Variants in ACACA observed in about 807,000 individuals in gnomAD.
The protein encoded by ACACA is acetyl-CoA carboxylase alpha, also known as acetyl-CoA carboxylase 1.
Under a neutral mutation model 296.1 loss-of-function variants are expected in ACACA, and 103 were observed. The ratio of observed to expected loss-of-function variants is 0.35; its 90% CI spans 0.30 to 0.41. The LOEUF (loss-of-function observed/expected upper bound fraction) is 0.41. Ranked by LOEUF, ACACA falls within the 10% of genes least tolerant of loss-of-function variation. The pLI is 1.00. For missense variants in ACACA, 1,554 were observed against 2,989.7 expected, an observed-to-expected ratio of 0.52 and a Z score of 11.20; for synonymous variants, 953 against 1,038.6, an observed-to-expected ratio of 0.92 and a Z score of 1.58.
intron 14 of ACACA, among the ~76,000 whole-genome samples, chr17:37,256,431 C>T (rs2081231576): frequency 6.6e-6 from 1 of 152,188 alleles, no homozygotes; most frequent in African/African-American, 2.4e-5. Context: ...GATTTCCCTA[C>T]TTCTAAAAAT....
intron 42 of ACACA, among the ~76,000 whole-genome samples, chr17:37,155,987 G>A (rs2076226126): frequency 6.7e-6 from 1 of 148,770 alleles, no homozygotes; most frequent in South Asian, 2.1e-4. Flanking sequence ...AACTGTCCTT[G>A]AAACAAGACA....
chr17:37,303,128 C>T (rs1051334926), intron 3 of ACACA, among the ~76,000 whole-genome samples: 14 of 152,108 alleles, frequency 9.2e-5, no homozygotes, highest in African/African-American at 3.4e-4. Context: ...CCAAAAGAAA[C>T]CCCATGCCCA....
At chr17:37,389,295 G>A (rs1394744167) in intron 1 of ACACA, 1 of 1,599,468 alleles carries the variant, frequency 6.3e-7, no homozygotes, top group Non-Finnish European at 8.5e-7. Flanking sequence ...TGGTTGTGGA[G>A]ATGGCAAAAG....
chr17:37,237,095 T>C (rs538349580), intron 24 of ACACA, among the ~76,000 whole-genome samples: 1 of 152,322 alleles, frequency 6.6e-6, no homozygotes, highest in South Asian at 2.1e-4. Context: ...AGCTTAATTT[T>C]CCTGGTTTTT....
At chr17:37,242,602 A>T (rs1198934143) in intron 22 of ACACA, among the ~76,000 whole-genome samples, 1 of 152,140 alleles carries the variant, frequency 6.6e-6, no homozygotes, top group Non-Finnish European at 1.5e-5. Flanking sequence ...ATAGTGGTGC[A>T]CATCTGTAGT....
intron 42 of ACACA, among the ~76,000 whole-genome samples, chr17:37,156,748 C>A (rs1049639877): frequency 6.6e-6 from 1 of 152,158 alleles, no homozygotes; most frequent in African/African-American, 2.4e-5. Flanking sequence ...GAATTAGTCA[C>A]TCAGTCAAAA....
At chr17:37,226,486 C>T in intron 25 of ACACA, 34 bp from the exon 26 acceptor site, 2 of 1,544,850 alleles carry the variant, frequency 1.3e-6, no homozygotes, top group East Asian at 2.2e-5. Flanking sequence ...CATAGATAGT[C>T]ATATTAAAAA....
chr17:37,280,471 T>C (rs532306416), intron 5 of ACACA, among the ~76,000 whole-genome samples: 57 of 152,248 alleles, frequency 3.7e-4, no homozygotes, highest in Non-Finnish European at 5.9e-4. Context: ...CCTCCCAAAG[T>C]GCTGAGATTA....
intron 25 of ACACA, among the ~76,000 whole-genome samples, chr17:37,227,470 G>A (rs534262418): frequency 1.8e-4 from 27 of 152,184 alleles, no homozygotes; most frequent in African/African-American, 6.5e-4. Context: ...CCAGCATTTT[G>A]GGAGGTCAAG....
chr17:37,202,019 C>T (rs771335819), intron 33 of ACACA, among the ~76,000 whole-genome samples: 1 of 151,998 alleles, frequency 6.6e-6, no homozygotes, highest in Non-Finnish European at 1.5e-5. Flanking sequence ...TTTGGTTTAA[C>T]TGCATTAAAA....
At chr17:37,321,546 G>A (rs192143219) in intron 3 of ACACA, among the ~76,000 whole-genome samples, 12 of 152,070 alleles carry the variant, frequency 7.9e-5, no homozygotes, top group African/African-American at 1.2e-4. Flanking sequence ...TCAGGAGATC[G>A]ATACCATCCT....
At chr17:37,398,887 A>G (rs935766373) in intron 1 of ACACA, among the ~76,000 whole-genome samples, 3 of 147,454 alleles carry the variant, frequency 2.0e-5, no homozygotes, top group African/African-American at 7.6e-5. Context: ...TCGGGCTTTC[A>G]TCATATCCTT....
chr17:37,224,966 TTATA>T (rs200129602), intron 27 of ACACA, 22 bp downstream of exon 27: 44,744 of 887,496 alleles, frequency 0.05, no homozygotes, highest in Admixed American at 0.076. Flanking sequence ...CAGGAAAGGG[TTATA>T]TATATATATA....
At chr17:37,389,434 C>A in intron 1 of ACACA, 1 of 1,516,936 alleles carries the variant, frequency 6.6e-7, no homozygotes, top group Admixed American at 2.0e-5. Flanking sequence ...TGGTGGCTCA[C>A]ACCTCTATTC....
At chr17:37,322,730 G>A (rs1161615378) in intron 3 of ACACA, among the ~76,000 whole-genome samples, 3 of 152,124 alleles carry the variant, frequency 2.0e-5, no homozygotes, top group East Asian at 1.9e-4. Context: ...ATGGTGGAAC[G>A]ACAAGGCAGA....
At chr17:37,261,450 G>A (rs1327947149) in intron 11 of ACACA, among the ~76,000 whole-genome samples, 2 of 152,208 alleles carry the variant, frequency 1.3e-5, no homozygotes, top group Non-Finnish European at 2.9e-5. Flanking sequence ...AGTATTTGAA[G>A]GAATTGTATT....
chr17:37,264,442 C>CAATCTTATTGTTACTATTTTGAAAGT, intron 10 of ACACA, among the ~76,000 whole-genome samples: 1 of 152,286 alleles, frequency 6.6e-6, no homozygotes, highest in South Asian at 2.1e-4. Flanking sequence ...TGCCAACTGT[C>CAATCTTATTGTTACTATTTTGAAAGT]AATCTTATTG....
At chr17:37,398,245 AC>A (rs143275277) in intron 1 of ACACA, among the ~76,000 whole-genome samples, 2 of 81,240 alleles carry the variant, frequency 2.5e-5, no homozygotes, top group Non-Finnish European at 5.4e-5. Flanking sequence ...AAAAAAAAAA[AC>A]AGTTTGGCCT....
At chr17:37,187,976 C>T (rs988711875) in intron 39 of ACACA, among the ~76,000 whole-genome samples, 9 of 152,118 alleles carry the variant, frequency 5.9e-5, no homozygotes, top group African/African-American at 2.2e-4. Context: ...CCCACGAGCC[C>T]TCTAAAAAAA....
Sources: allele counts gnomAD v4.1 joint callset (sites outside exome capture counted in the v4.1 genomes callset), GRCh38; gene constraint gnomAD v4.1.1; transcripts MANE v1.5; gene names NCBI Gene and HGNC (gene_info 2026-07-23, HGNC 2026-07-21).